HIPK2: variants seen among roughly 807,000 people sequenced by gnomAD.
The protein encoded by HIPK2 is homeodomain-interacting protein kinase 2.
HIPK2 carries 27 observed loss-of-function variants against 113.7 expected under a neutral mutation model. The ratio of observed to expected loss-of-function variants is 0.24; its 90% CI spans 0.17 to 0.33. The LOEUF (loss-of-function observed/expected upper bound fraction) is 0.33. Ranked by LOEUF, HIPK2 falls within the 10% of genes least tolerant of loss-of-function variation. The pLI is 1.00. For synonymous variants in HIPK2, 631 were observed against 642.2 expected, an observed-to-expected ratio of 0.98 and a Z score of 0.26; for missense variants, 1,257 against 1,588.0, an observed-to-expected ratio of 0.79 and a Z score of 3.54.
At chr7:139,575,001 T>A (rs1400860981) in intron 14 of HIPK2, 127 bp downstream of exon 14, 2 of 1,282,910 alleles carry the variant, frequency 1.6e-6, no homozygotes, top group East Asian at 5.1e-5. Context: ...GGGCATGTGC[T>A]GCCACCCGTG....
intron 2 of HIPK2, among the ~76,000 whole-genome samples, chr7:139,633,411 A>C (rs1233907784): frequency 2.0e-5 from 3 of 152,268 alleles, no homozygotes; most frequent in Non-Finnish European, 4.4e-5. Flanking sequence ...TCCCCCTTTA[A>C]ATTTGTTCTC....
intron 6 of HIPK2, among the ~76,000 whole-genome samples, chr7:139,623,520 A>C (rs926078286): frequency 3.0e-5 from 3 of 98,604 alleles, no homozygotes; most frequent in African/African-American, 7.0e-5. Flanking sequence ...TCTACTTCAA[A>C]AAAAAAAAAA....
intron 1 of HIPK2, among the ~76,000 whole-genome samples, chr7:139,732,138 T>C (rs1585433721): frequency 6.6e-6 from 1 of 152,346 alleles, no homozygotes; most frequent in Middle Eastern, 3.4e-3. Flanking sequence ...CTTTGTAAAC[T>C]ATAAAGCATA....
chr7:139,611,671 A>G (rs1182718080), intron 9 of HIPK2, among the ~76,000 whole-genome samples: 2 of 152,088 alleles, frequency 1.3e-5, no homozygotes, highest in African/African-American at 4.8e-5. Flanking sequence ...CCTCCTGTGT[A>G]TCTGGGACTG....
At chr7:139,577,995 C>T (rs1428863488) in intron 13 of HIPK2, among the ~76,000 whole-genome samples, 1 of 152,088 alleles carries the variant, frequency 6.6e-6, no homozygotes, top group South Asian at 2.1e-4. Flanking sequence ...GGATTACAGG[C>T]ATGCACCACC....
chr7:139,655,219 C>G (rs1317959736), intron 2 of HIPK2, among the ~76,000 whole-genome samples: 1 of 152,234 alleles, frequency 6.6e-6, no homozygotes, highest in Non-Finnish European at 1.5e-5. Context: ...TAAGGGACCA[C>G]AGTCATGACA....
chr7:139,773,408 A>G (rs998215341), intron 1 of HIPK2, among the ~76,000 whole-genome samples: 1 of 152,214 alleles, frequency 6.6e-6, no homozygotes, highest in Non-Finnish European at 1.5e-5. Context: ...GTGGTTATAT[A>G]AAGTCTACTG....
At chr7:139,709,155 C>G (rs1005595961) in intron 2 of HIPK2, among the ~76,000 whole-genome samples, 1 of 152,068 alleles carries the variant, frequency 6.6e-6, no homozygotes, top group African/African-American at 2.4e-5. Context: ...AGCTGCAACC[C>G]GAAACGCATA....
At chr7:139,770,837 C>T (rs1460217347) in intron 1 of HIPK2, among the ~76,000 whole-genome samples, 1 of 152,228 alleles carries the variant, frequency 6.6e-6, no homozygotes, top group East Asian at 1.9e-4. Context: ...TTAAAACAGA[C>T]TACTGTCAAA....
chr7:139,670,702 T>C (rs564243055), intron 2 of HIPK2, among the ~76,000 whole-genome samples: 14 of 150,150 alleles, frequency 9.3e-5, no homozygotes, highest in Non-Finnish European at 1.9e-4. Context: ...GCATTCCCAA[T>C]CATTCAAAAT....
intron 2 of HIPK2, among the ~76,000 whole-genome samples, chr7:139,708,808 C>T (rs1794982954): frequency 6.6e-6 from 1 of 152,150 alleles, no homozygotes; most frequent in South Asian, 2.1e-4. Context: ...GTATGGAGGG[C>T]TGAGTGTCAG....
Position 139,596,645 on chromosome 7 carries a change from A to T in HIPK2, c.2717+72T>A, listed in dbSNP as rs539243678. 4 of 1,549,356 alleles carry T rather than the reference A, an allele frequency of 2.6e-6. No homozygotes were observed. The East Asian group carries it at 9.1e-5, about 35-fold the overall frequency. ...AGGGATCCTTATGTTTGATGATGGA[A>T]GATGGTCAGATCTGCACACAATGCA... On this transcript the variant is annotated intron_variant, in intron 12 of 14. Coordinates refer to ENST00000406875, the MANE Select transcript of HIPK2 (RefSeq NM_022740.5).
chr7:139,641,497 T>A (rs1801019796), intron 2 of HIPK2, among the ~76,000 whole-genome samples: 1 of 152,130 alleles, frequency 6.6e-6, no homozygotes, highest in Non-Finnish European at 1.5e-5. Flanking sequence ...GTACATGCAG[T>A]ACACTAGGCA....
At chr7:139,676,851 TC>T (rs1199790410) in intron 2 of HIPK2, among the ~76,000 whole-genome samples, 5 of 38,824 alleles carry the variant, frequency 1.3e-4, no homozygotes, top group Non-Finnish European at 3.7e-4. Flanking sequence ...CCATAGTATT[TC>T]TTTTTTTCTT....
chr7:139,760,594 C>T lies in HIPK2; in HGVS notation c.19+17011G>A, dbSNP rs9886015. Among the ~76,000 whole-genome samples, 3 of 151,904 alleles carry T rather than the reference C, an allele frequency of 2.0e-5. No homozygotes were observed. The South Asian group carries it at 6.3e-4, about 32-fold the overall frequency. ...GGTAATAATATAAATATTGGTATTT[C>T]GAAACTACATTCTTTACATTTATAG... On this transcript the variant is annotated intron_variant, in intron 1 of 14. Coordinates refer to ENST00000406875, the MANE Select transcript of HIPK2 (RefSeq NM_022740.5).
intron 2 of HIPK2, among the ~76,000 whole-genome samples, chr7:139,696,834 A>G (rs1450191515): frequency 6.6e-6 from 1 of 152,136 alleles, no homozygotes; most frequent in Admixed American, 6.5e-5. Context: ...TTCCTCAGAG[A>G]GATGAATGTT....
intron 10 of HIPK2, among the ~76,000 whole-genome samples, chr7:139,601,412 A>T (rs976527777): frequency 2.6e-5 from 4 of 152,184 alleles, no homozygotes; most frequent in African/African-American, 9.7e-5. Context: ...TTACGTGAAA[A>T]ACAAACTTTG....
intron 1 of HIPK2, among the ~76,000 whole-genome samples, chr7:139,735,730 C>T (rs1184898813): frequency 6.6e-6 from 1 of 152,212 alleles, no homozygotes; most frequent in Non-Finnish European, 1.5e-5. Flanking sequence ...CCCCTTTACA[C>T]ACGAGAGTGC....
At position 139,599,376 on chromosome 7, in the gene HIPK2, A is replaced by C. The variant is rs76540466; in HGVS notation, c.2435+1041T>G. ...CAGACTTAGAGCTTTTCCCCTCAGG[A>C]TTCTTCGCAGTCAATCTCCTCCTCT... On this transcript the variant is annotated intron_variant, in intron 11 of 14. Coordinates refer to ENST00000406875, the MANE Select transcript of HIPK2 (RefSeq NM_022740.5). Among the ~76,000 whole-genome samples the C allele has an allele frequency of 4.5e-3, 692 of 152,302 alleles. 6 individuals carry two copies. Among genetic ancestry groups the C allele is most frequent in the African/African-American group, 0.016 (649 of 41,562 alleles).
Sources: gnomAD v4.1 joint callset for allele counts (sites outside exome capture counted in the v4.1 genomes callset) on GRCh38, gnomAD v4.1.1 for gene constraint, MANE v1.5 for transcripts, NCBI Gene and HGNC (gene_info 2026-07-23, HGNC 2026-07-21) for gene names.